GRIN2B: variants seen among roughly 807,000 people sequenced by gnomAD.
GRIN2B encodes the protein glutamate ionotropic receptor NMDA type subunit 2B.
Under a neutral mutation model 114.5 loss-of-function variants are expected in GRIN2B, and 5 were observed. The observed-to-expected ratio is 0.04, with a 90% CI of 0.02 to 0.09. GRIN2B has a LOEUF of 0.09. Ranked by LOEUF, GRIN2B falls within the 10% of genes least tolerant of loss-of-function variation. The pLI, the probability that GRIN2B is intolerant of heterozygous loss-of-function variation, is 1.00. For synonymous variants in GRIN2B, 787 were observed against 745.1 expected, an observed-to-expected ratio of 1.06 and a Z score of -0.92; for missense variants, 1,108 against 1,943.5, an observed-to-expected ratio of 0.57 and a Z score of 8.08.
chr12:13,913,337 G>C (rs1412211509), intron 2 of GRIN2B, among the ~76,000 whole-genome samples: 1 of 152,138 alleles, frequency 6.6e-6, no homozygotes, highest in Non-Finnish European at 1.5e-5. Context: ...CTTGTGGAAT[G>C]GCTGACAGGG....
At chr12:13,749,018 T>C (rs1863435436) in intron 4 of GRIN2B, among the ~76,000 whole-genome samples, 1 of 152,204 alleles carries the variant, frequency 6.6e-6, no homozygotes, top group African/African-American at 2.4e-5. Context: ...AGAATCTATC[T>C]GGAGATAATC....
intron 3 of GRIN2B, among the ~76,000 whole-genome samples, chr12:13,836,093 A>C (rs768923466): frequency 1.3e-5 from 2 of 152,144 alleles, no homozygotes; most frequent in Non-Finnish European, 2.9e-5. Flanking sequence ...CAGGTTGGGG[A>C]CTGCATTTGT....
At chr12:13,712,812 A>G (rs1483712393) in intron 4 of GRIN2B, among the ~76,000 whole-genome samples, 2 of 151,898 alleles carry the variant, frequency 1.3e-5, no homozygotes, top group African/African-American at 4.8e-5. Flanking sequence ...AATATGGTCA[A>G]TATCTCTCTC....
At chr12:13,760,460 G>C (rs117961578) in intron 3 of GRIN2B, among the ~76,000 whole-genome samples, 1 of 152,148 alleles carries the variant, frequency 6.6e-6, no homozygotes, top group Non-Finnish European at 1.5e-5. Flanking sequence ...TCTTAGTACT[G>C]TATAATATCA....
chr12:13,670,481 A>AC, intron 5 of GRIN2B: 1 of 152,030 alleles, frequency 6.6e-6, no homozygotes, highest in African/African-American at 2.4e-5. Context: ...CTCAGAGCAC[A>AC]CCCCCACTGC....
intron 5 of GRIN2B, among the ~76,000 whole-genome samples, chr12:13,658,000 G>A (rs1033463590): frequency 2.6e-5 from 4 of 152,172 alleles, no homozygotes; most frequent in African/African-American, 9.6e-5. Context: ...GAGGTCAGGA[G>A]TTTGAGACCA....
chr12:13,675,318 A>G (rs1021583676), intron 5 of GRIN2B, among the ~76,000 whole-genome samples: 2 of 152,110 alleles, frequency 1.3e-5, no homozygotes, highest in Non-Finnish European at 2.9e-5. Context: ...GATTGAGCAG[A>G]GCCTTGCATG....
intron 2 of GRIN2B, among the ~76,000 whole-genome samples, chr12:13,954,643 C>G (rs1867552672): frequency 6.6e-6 from 1 of 151,392 alleles, no homozygotes; most frequent in South Asian, 2.1e-4. Context: ...AACACCATCT[C>G]TACCATAAAT....
chr12:13,980,031 C>T lies in GRIN2B; in HGVS notation c.-122G>A, dbSNP rs1305856525. ...CGCTTGCATATCCACATAAGAAAGA[C>T]GAAGGATAAATGAACGGAAGATAAT... On this transcript the variant is annotated 5_prime_UTR_variant, in exon 2 of 14. Coordinates refer to ENST00000609686, the MANE Select transcript of GRIN2B (RefSeq NM_000834.5). 6.6e-6 allele frequency: 1 copy of T among 151,622 alleles called. No homozygotes were observed. Among genetic ancestry groups the T allele is most frequent in the Non-Finnish European group, 1.5e-5 (1 of 68,000 alleles). The allele number at this position is 151,622 out of a possible 1,614,324, so 9.4% of individuals were successfully genotyped here.
chr12:13,555,086 G>C lies in GRIN2B; in HGVS notation c.*7697C>G, dbSNP rs1435063122. ...AGAAGACAGAAAGATTGCTACAGAA[G>C]CATTAAGATAAGGAGAAGAGGGTCA... is the stretch of plus-strand genomic sequence containing the variant. On this transcript the variant is annotated 3_prime_UTR_variant, in exon 14 of 14. Transcript: ENST00000609686. The C allele has an allele frequency of 6.6e-6, 1 of 152,082 alleles. No homozygotes were observed. Among genetic ancestry groups the C allele is most frequent in the African/African-American group, 2.4e-5 (1 of 41,436 alleles). 9.4% of individuals were successfully genotyped at this position (152,082 alleles called of 1,614,324 possible). A position where few individuals can be genotyped will look rare whatever the true frequency, so the allele number is the denominator to read the frequency against.
intron 4 of GRIN2B, among the ~76,000 whole-genome samples, chr12:13,710,875 T>G (rs1048734858): frequency 2.0e-5 from 3 of 152,036 alleles, no homozygotes; most frequent in Admixed American, 2.0e-4. Flanking sequence ...GGAAAAAAAC[T>G]ACTTTAAAGT....
intron 2 of GRIN2B, among the ~76,000 whole-genome samples, chr12:13,881,620 T>A (rs552103834): frequency 6.6e-6 from 1 of 152,384 alleles, no homozygotes; most frequent in South Asian, 2.1e-4. Context: ...CATTTTCGTT[T>A]GTCTAATATA....
chr12:13,699,885 C>G (rs933465098), intron 4 of GRIN2B, among the ~76,000 whole-genome samples: 1 of 18,148 alleles, frequency 5.5e-5, no homozygotes, highest in Non-Finnish European at 1.8e-4. Flanking sequence ...CCGCACCCAG[C>G]CTTTTTTTTT....
rs1193075991 is a variant in GRIN2B, at chr12:13,680,435, GTTGTGTGTGTGT to G, written c.1011-4588_1011-4577del. 1.3e-3 allele frequency among the ~76,000 whole-genome samples: 156 copies of G among 116,440 alleles called. 3 individuals are homozygous for G. Among genetic ancestry groups the G allele is most frequent in the East Asian group, 2.0e-3 (7 of 3,536 alleles). The allele number at this position is 116,440 out of a possible 152,430, so 76.4% of individuals were successfully genotyped here. On this transcript the variant is annotated intron_variant, in intron 4 of 13. Coordinates refer to ENST00000609686, the MANE Select transcript of GRIN2B (RefSeq NM_000834.5). ...CAAATCCCCTGGAAGTCCCATCAAG[GTTGTGTGTGTGT>G]GTGTGTGTGTGTGTGTGTGTGTGTG...
rs1254733762 is a variant in GRIN2B, at chr12:13,547,802, A to G, written c.*14981T>C. On this transcript the variant is annotated 3_prime_UTR_variant, in exon 14 of 14. Transcript: ENST00000609686. ...CTTTTGGAAGTTATTGGGCATCTGC[A>G]TTTTCCCAGGAGACTTCTCTCCACA... 6.6e-6 allele frequency: 1 copy of G among 151,752 alleles called. No individual in the cohort carries two copies. Among genetic ancestry groups the G allele is most frequent in the Non-Finnish European group, 1.5e-5 (1 of 67,936 alleles). 9.4% of individuals were successfully genotyped at this position (151,752 alleles called of 1,614,324 possible).
intron 3 of GRIN2B, among the ~76,000 whole-genome samples, chr12:13,836,985 C>T (rs996366698): frequency 2.0e-5 from 3 of 152,210 alleles, no homozygotes. Context: ...CTGCTATCCC[C>T]GGGCTCTCTC....
rs1221099331 is a variant in GRIN2B, at chr12:13,573,345, G to A, written c.2011-1381C>T. On this transcript the variant is annotated intron_variant, in intron 10 of 13. Transcript: ENST00000609686. ...AGGCACCTGTAGTCCCAGCTACTCCGGAGGCTGAGGCAGGAGAATGGCATG... is the reference window on the plus strand; with the variant it reads ...AGGCACCTGTAGTCCCAGCTACTCCAGAGGCTGAGGCAGGAGAATGGCATG... Among the ~76,000 whole-genome samples, 7 of 148,836 alleles carry A rather than the reference G, an allele frequency of 4.7e-5. 1 individual carries two copies. The highest frequency in any genetic ancestry group is 6.0e-5 in the Non-Finnish European group (4 of 66,946).
intron 2 of GRIN2B, among the ~76,000 whole-genome samples, chr12:13,972,590 A>C (rs531769113): frequency 1.3e-5 from 2 of 152,228 alleles, no homozygotes; most frequent in African/African-American, 2.4e-5. Flanking sequence ...AGGGCCATGC[A>C]TTCCAAGGGG....
chr12:13,589,775 G>A (rs545480031), intron 10 of GRIN2B, among the ~76,000 whole-genome samples: 1 of 152,200 alleles, frequency 6.6e-6, no homozygotes, highest in African/African-American at 2.4e-5. Flanking sequence ...AACCCTATGT[G>A]GTATAGAGGT....
Sources: allele counts gnomAD v4.1 joint callset (sites outside exome capture counted in the v4.1 genomes callset), GRCh38; gene constraint gnomAD v4.1.1; transcripts MANE v1.5; gene names NCBI Gene and HGNC (gene_info 2026-07-23, HGNC 2026-07-21).